ARMH1: variants seen among roughly 807,000 people sequenced by gnomAD.
ARMH1 encodes the protein armadillo-like helical domain containing protein 1.
ARMH1 carries 34 observed loss-of-function variants against 50.2 expected under a neutral mutation model. The observed-to-expected ratio is 0.68, with a 90% CI of 0.51 to 0.90. The LOEUF (loss-of-function observed/expected upper bound fraction) is 0.90. Ranked by LOEUF, ARMH1 falls within the 40% of genes least tolerant of loss-of-function variation. The pLI is 0.00. For synonymous variants in ARMH1, 221 were observed against 224.2 expected (o/e 0.99, Z 0.13); for missense variants, 538 against 553.9 (o/e 0.97, Z 0.29).
At chr1:44,704,572 T>C (rs2148681461) in intron 6 of ARMH1, among the ~76,000 whole-genome samples, 3 of 151,248 alleles carry the variant, frequency 2.0e-5, no homozygotes. Flanking sequence ...AGTGCAGTGG[T>C]ACCATCATAG....
At position 44,725,217 on chromosome 1, in the gene ARMH1, G is replaced by C. The variant is rs1415594964; in HGVS notation, c.1210G>C (p.Ala404Pro). The C allele has an allele frequency of 1.9e-6, 3 of 1,551,942 alleles. No homozygotes were observed. Among genetic ancestry groups the C allele is most frequent in the South Asian group, 1.2e-5 (1 of 84,070 alleles). ...LAANTVNVTK[A>P]LCLHGSSYSM... The stretch of plus-strand genomic sequence containing the variant: ...GGCCAACACAGTCAATGTTACCAAA[G>C]GTGAGTGTGGGACGAGGGAAGCCGG... Residue 404 changes from alanine to proline, a missense_variant and splice_region_variant, in exon 11 of 12, where the codon GCC (alanine) becomes CCC (proline). Ala to Pro is a conservative substitution (Grantham distance 27). Transcript: ENST00000535358.
chr1:44,719,035 A>G (rs1646971589), intron 6 of ARMH1, among the ~76,000 whole-genome samples: 1 of 151,434 alleles, frequency 6.6e-6, no homozygotes, highest in Non-Finnish European at 1.5e-5. Flanking sequence ...GAAAAAAAAA[A>G]AAAAAAAAAA....
chr1:44,713,600 T>G (rs963364457), intron 6 of ARMH1, among the ~76,000 whole-genome samples: 1 of 152,206 alleles, frequency 6.6e-6, no homozygotes, highest in Non-Finnish European at 1.5e-5. Flanking sequence ...GACACTTTAT[T>G]CAGCGTTTAT....
At chr1:44,717,948 T>C (rs1646919667) in intron 6 of ARMH1, among the ~76,000 whole-genome samples, 1 of 152,246 alleles carries the variant, frequency 6.6e-6, no homozygotes, top group East Asian at 1.9e-4. Context: ...CAGTGACAGC[T>C]GTGAATTTTA....
intron 6 of ARMH1, among the ~76,000 whole-genome samples, chr1:44,720,653 G>A (rs1647064705): frequency 6.6e-6 from 1 of 152,202 alleles, no homozygotes; most frequent in Non-Finnish European, 1.5e-5. Context: ...AGTGAAGAGT[G>A]AAGGCAGAGG....
Position 44,724,288 on chromosome 1 carries a change from G to A in ARMH1, c.848-32G>A, listed in dbSNP as rs1445019387. The A allele has an allele frequency of 1.9e-6, 3 of 1,550,804 alleles. No individual in the cohort carries two copies. The highest frequency in any genetic ancestry group is 1.4e-5 in the African/African-American group (1 of 73,142). ...GGGGCTGCCTGGGCCACGGGAGGGC[G>A]GTCTCTTGCCTCACGGCTGCCCCCT... is the stretch of plus-strand genomic sequence containing the variant. On this transcript the variant is annotated intron_variant, in intron 7 of 11. Coordinates refer to ENST00000535358, the MANE Select transcript of ARMH1 (RefSeq NM_001145636.2). This position sits in a 1 kb window ranked among gnomAD's most constrained non-coding sequence, Gnocchi z 6.4.
intron 6 of ARMH1, chr1:44,721,812 A>G (rs571645127): frequency 1.3e-5 from 2 of 152,224 alleles, no homozygotes; most frequent in Non-Finnish European, 2.9e-5. Flanking sequence ...GACTTCAAAA[A>G]ATTTAACCAT....
intron 6 of ARMH1, chr1:44,721,727 C>T (rs1022978128): frequency 2.6e-5 from 4 of 151,956 alleles, no homozygotes; most frequent in East Asian, 3.9e-4. Flanking sequence ...GGAGCTACCC[C>T]AACCTCCCAA....
chr1:44,712,142 C>A (rs1256932093), intron 6 of ARMH1, among the ~76,000 whole-genome samples: 1 of 152,140 alleles, frequency 6.6e-6, no homozygotes, highest in East Asian at 1.9e-4. Flanking sequence ...GAGCCCGAGG[C>A]GGGCAGATCA....
chr1:44,718,935 G>A (rs1646963970), intron 6 of ARMH1, among the ~76,000 whole-genome samples: 1 of 144,076 alleles, frequency 6.9e-6, no homozygotes, highest in Admixed American at 7.4e-5. Context: ...TGAGATAGGA[G>A]AATCACTTGA....
Position 44,724,144 on chromosome 1 carries a change from G to C in ARMH1, c.747G>C (p.Leu249=). 1.9e-6 allele frequency: 3 copies of C among 1,551,704 alleles called. No individual in the cohort carries two copies. Among genetic ancestry groups the C allele is most frequent in the Non-Finnish European group, 2.6e-6 (3 of 1,146,974 alleles). Residue 249 remains leucine (L), a synonymous_variant, in exon 7 of 12, where the codon CTG becomes CTC. Transcript: ENST00000535358. This position sits in a 1 kb window ranked among gnomAD's most constrained non-coding sequence, Gnocchi z 6.4. ...QYEAIELIKD[L]VGYDVRQALL... ...CAGCCATCGAGTTGATCAAAGACCTGGTCGGTTACGATGTGCGCCAGGCGC... is the reference window on the plus strand; with the variant it reads ...CAGCCATCGAGTTGATCAAAGACCTCGTCGGTTACGATGTGCGCCAGGCGC...
chr1:44,719,828 G>A (rs1446144185), intron 6 of ARMH1, among the ~76,000 whole-genome samples: 2 of 152,170 alleles, frequency 1.3e-5, no homozygotes, highest in Non-Finnish European at 2.9e-5. Context: ...TGTATGATAT[G>A]AGCATCCATA....
chr1:44,707,659 T>G (rs1006663448), intron 6 of ARMH1, among the ~76,000 whole-genome samples: 2 of 152,174 alleles, frequency 1.3e-5, no homozygotes, highest in African/African-American at 4.8e-5. Flanking sequence ...TGGGCTCAAG[T>G]GATCCTCCTG....
At chr1:44,721,927 T>TA (rs1647295487) in intron 6 of ARMH1, 1 of 152,216 alleles carries the variant, frequency 6.6e-6, no homozygotes, top group African/African-American at 2.4e-5. Context: ...TTGCCTGGCT[T>TA]CCCAGCTATT....
chr1:44,704,929 G>T (rs534538909), intron 6 of ARMH1, among the ~76,000 whole-genome samples: 1 of 151,474 alleles, frequency 6.6e-6, no homozygotes, highest in Non-Finnish European at 1.5e-5. Context: ...CTGCCTCCCG[G>T]GTTCACACCA....
Position 44,697,287 on chromosome 1 carries a change from C to G in ARMH1, c.275+117C>G, listed in dbSNP as rs1029917206. On this transcript the variant is annotated intron_variant, in intron 3 of 11. Transcript: ENST00000535358. ...CCTGTTAGCAGTGGGTTCCTTGTAGCTCTTGGGATGGGCCCAGAGGTAATG... is the reference window on the plus strand; with the variant it reads ...CCTGTTAGCAGTGGGTTCCTTGTAGGTCTTGGGATGGGCCCAGAGGTAATG... 33 of 791,692 alleles carry G rather than the reference C, an allele frequency of 4.2e-5. No homozygotes were observed. The East Asian group carries it at 5.1e-4, about 12-fold the overall frequency. The allele number at this position is 791,692 out of a possible 1,614,324, so 49.0% of individuals were successfully genotyped here.
At chr1:44,721,890 G>C (rs115598547) in intron 6 of ARMH1, 6 of 152,168 alleles carry the variant, frequency 3.9e-5, no homozygotes, top group African/African-American at 7.2e-5. Context: ...GTTATGAAGA[G>C]AAACCAGAGA....
chr1:44,687,777 C>T (rs181661244), intron 1 of ARMH1, among the ~76,000 whole-genome samples: 6 of 152,218 alleles, frequency 3.9e-5, no homozygotes, highest in Admixed American at 1.3e-4. Context: ...ATCACAGTGA[C>T]GTTTAAAGCT....
chr1:44,711,301 A>C (rs1319629193), intron 6 of ARMH1, among the ~76,000 whole-genome samples: 1 of 152,232 alleles, frequency 6.6e-6, no homozygotes, highest in Non-Finnish European at 1.5e-5. Flanking sequence ...ACCATTTTAC[A>C]TTCCCAGTAG....
Sources: allele counts gnomAD v4.1 joint callset (sites outside exome capture counted in the v4.1 genomes callset), GRCh38; gene constraint gnomAD v4.1.1; non-coding constraint Gnocchi (gnomAD v3.1); transcripts MANE v1.5; gene names NCBI Gene and HGNC (gene_info 2026-07-23, HGNC 2026-07-21).